C2orf42: variants seen among roughly 807,000 people sequenced by gnomAD.
C2orf42 encodes the protein uncharacterized protein C2orf42.
C2orf42 carries 44 observed loss-of-function variants against 58.9 expected under a neutral mutation model. That is an observed-to-expected ratio of 0.75 (90% CI 0.59 to 0.96). C2orf42 has a LOEUF of 0.96. Ranked by LOEUF, C2orf42 falls within the 40% of genes least tolerant of loss-of-function variation. The pLI is 0.00. For synonymous variants in C2orf42, 239 were observed against 265.4 expected, an observed-to-expected ratio of 0.90 and a Z score of 0.97; for missense variants, 630 against 699.2, an observed-to-expected ratio of 0.90 and a Z score of 1.12.
At chr2:70,187,094 A>C (rs941875469) in intron 1 of C2orf42, among the ~76,000 whole-genome samples, 2 of 152,080 alleles carry the variant, frequency 1.3e-5, no homozygotes, top group African/African-American at 4.8e-5. Context: ...CCTAAAACTT[A>C]AAGTATAATA....
At chr2:70,157,982 C>A (rs1341693000) in intron 9 of C2orf42, among the ~76,000 whole-genome samples, 2 of 152,162 alleles carry the variant, frequency 1.3e-5, no homozygotes, top group Non-Finnish European at 2.9e-5. Context: ...GGGCGGATCA[C>A]CAGACGTCCA....
At chr2:70,187,230 C>T (rs548104838) in intron 1 of C2orf42, among the ~76,000 whole-genome samples, 107 of 150,918 alleles carry the variant, frequency 7.1e-4, no homozygotes, top group Non-Finnish European at 1.2e-3. Flanking sequence ...TGGAGTTCCA[C>T]TCTTTTATCT....
chr2:70,165,548 C>T lies in C2orf42; in HGVS notation c.1232G>A (p.Arg411Gln), dbSNP rs763624267. 2.5e-5 allele frequency: 40 copies of T among 1,601,554 alleles called. No homozygotes were observed. The highest frequency in any genetic ancestry group is 1.1e-4 in the African/African-American group (8 of 74,646). The change falls in exon 7 of 10, where the codon CGG becomes CAG. Residue 411 changes from arginine (R) to glutamine (Q), a missense_variant. Coordinates refer to ENST00000264434, the MANE Select transcript of C2orf42 (RefSeq NM_017880.3). ...TGTACCTGTGGTGGAGTTGGGGAGCCGTTTTTTTGCACTTCCTATAGATAT... is the reference window on the plus strand; with the variant it reads ...TGTACCTGTGGTGGAGTTGGGGAGCTGTTTTTTTGCACTTCCTATAGATAT... ...QRISIGSAKK[R>Q]LPNSTTAFVR...
intron 8 of C2orf42, among the ~76,000 whole-genome samples, chr2:70,162,320 T>G (rs763764813): frequency 4.3e-5 from 6 of 139,422 alleles, no homozygotes; most frequent in Non-Finnish European, 9.0e-5. Context: ...TCTTTTGCTT[T>G]CTTTCTTTCT....
Position 70,165,652 on chromosome 2 carries a change from G to C in C2orf42, c.1145-17C>G, listed in dbSNP as rs181152241. ...CTGGTTTGCCTATGGGAAACAAGAAGAAACAACTCATTTAAAGAAACTCAG... is the reference window on the plus strand; with the variant it reads ...CTGGTTTGCCTATGGGAAACAAGAACAAACAACTCATTTAAAGAAACTCAG... On this transcript the variant is annotated splice_polypyrimidine_tract_variant and intron_variant, in intron 6 of 9. Coordinates refer to ENST00000264434, the MANE Select transcript of C2orf42 (RefSeq NM_017880.3). The C allele has an allele frequency of 7.2e-7, 1 of 1,384,072 alleles. No individual in the cohort carries two copies. The highest frequency in any genetic ancestry group is 1.7e-5 in the Admixed American group (1 of 58,616). 85.7% of individuals were successfully genotyped at this position (1,384,072 alleles called of 1,614,324 possible).
At position 70,160,687 on chromosome 2, in the gene C2orf42, T is replaced by C. The variant is rs368402264; in HGVS notation, c.1454A>G (p.Tyr485Cys). The C allele has an allele frequency of 6.2e-7, 1 of 1,613,320 alleles. No individual in the cohort carries two copies. Among genetic ancestry groups the C allele is most frequent in the African/African-American group, 1.3e-5 (1 of 74,864 alleles). The change falls in exon 9 of 10, where the codon TAC becomes TGC. Residue 485 changes from tyrosine to cysteine, a missense_variant. Physicochemically the swap from Tyr to Cys is radical, Grantham distance 194 (BLOSUM62 -2). Coordinates refer to ENST00000264434, the MANE Select transcript of C2orf42 (RefSeq NM_017880.3). ...KVEVESIAET[Y>C]GRIEKQPVLR... ...CACTGGTTGTTTTTCTATACGACCGTAGGTTTCTGCTATGCTTTCTACTTC... is the reference window on the plus strand; with the variant it reads ...CACTGGTTGTTTTTCTATACGACCGCAGGTTTCTGCTATGCTTTCTACTTC...
intron 1 of C2orf42, among the ~76,000 whole-genome samples, chr2:70,187,612 T>C (rs1432322640): frequency 6.6e-6 from 1 of 152,220 alleles, no homozygotes; most frequent in South Asian, 2.1e-4. Context: ...TTTAACATTA[T>C]AAATCCATAT....
At chr2:70,159,848 T>A (rs1672944208) in intron 9 of C2orf42, among the ~76,000 whole-genome samples, 2 of 152,098 alleles carry the variant, frequency 1.3e-5, no homozygotes, top group Non-Finnish European at 2.9e-5. Flanking sequence ...CATTTACTAT[T>A]ATCACTACTG....
chr2:70,176,719 C>T (rs973478414), intron 4 of C2orf42, among the ~76,000 whole-genome samples: 1 of 152,012 alleles, frequency 6.6e-6, no homozygotes, highest in East Asian at 1.9e-4. Flanking sequence ...GCCTTGAGCT[C>T]CCGGGCTCAA....
chr2:70,189,507 G>A (rs1675185471), intron 1 of C2orf42, among the ~76,000 whole-genome samples: 1 of 147,428 alleles, frequency 6.8e-6, no homozygotes, highest in Non-Finnish European at 1.5e-5. Context: ...CACAAGGTCA[G>A]GAGATCGAGA....
intron 4 of C2orf42, among the ~76,000 whole-genome samples, chr2:70,178,639 G>T (rs968091213): frequency 1.3e-5 from 2 of 149,738 alleles, no homozygotes; most frequent in African/African-American, 4.9e-5. Context: ...AAGGCTGGGT[G>T]CAGCGGCTCA....
At chr2:70,174,646 C>A (rs936138032) in intron 5 of C2orf42, among the ~76,000 whole-genome samples, 6 of 151,994 alleles carry the variant, frequency 3.9e-5, no homozygotes, top group Admixed American at 3.9e-4. Context: ...TCTTTTATTG[C>A]TGCTGTTACA....
At chr2:70,159,042 C>T (rs986446727) in intron 9 of C2orf42, among the ~76,000 whole-genome samples, 8 of 150,004 alleles carry the variant, frequency 5.3e-5, no homozygotes, top group East Asian at 4.0e-4. Context: ...CTCCCGCCAC[C>T]GCGCCCAGCT....
chr2:70,189,692 TG>T (rs1190675888), intron 1 of C2orf42, among the ~76,000 whole-genome samples: 1 of 131,494 alleles, frequency 7.6e-6, no homozygotes, highest in Non-Finnish European at 1.6e-5. Context: ...CACTCCAGCC[TG>T]GGCGACAGCG....
At chr2:70,163,228 T>A (rs1572985314) in intron 8 of C2orf42, among the ~76,000 whole-genome samples, 2 of 151,428 alleles carry the variant, frequency 1.3e-5, no homozygotes, top group East Asian at 2.0e-4. Context: ...ATTTTCAGGA[T>A]CTACTTGAAA....
At chr2:70,161,641 G>A (rs1020515611) in intron 8 of C2orf42, among the ~76,000 whole-genome samples, 2 of 152,040 alleles carry the variant, frequency 1.3e-5, no homozygotes, top group African/African-American at 4.8e-5. Flanking sequence ...GGGAGTTTGA[G>A]ACCAGCCTGA....
At chr2:70,177,633 G>A (rs1375794231) in intron 4 of C2orf42, among the ~76,000 whole-genome samples, 1 of 152,056 alleles carries the variant, frequency 6.6e-6, no homozygotes, top group African/African-American at 2.4e-5. Context: ...CCATTTTAAG[G>A]ATCTTAACAG....
intron 1 of C2orf42, among the ~76,000 whole-genome samples, chr2:70,186,596 T>G (rs1380090045): frequency 6.6e-6 from 1 of 152,196 alleles, no homozygotes; most frequent in Non-Finnish European, 1.5e-5. Context: ...GACCATCCCA[T>G]TACTGGGTAT....
chr2:70,150,001 GTTGGT>G lies in C2orf42; in HGVS notation c.*350_*354del. The G allele has an allele frequency of 3.3e-6, 1 of 303,050 alleles. No homozygotes were observed. The highest frequency in any genetic ancestry group is 3.3e-5 in the South Asian group (1 of 30,390). 18.8% of individuals were successfully genotyped at this position (303,050 alleles called of 1,614,324 possible). A position where few individuals can be genotyped will look rare whatever the true frequency, so the allele number is the denominator to read the frequency against. ...ACCAGGGTGTTAACTTTCCAACACT[GTTGGT>G]GTATGGCTGAGTGCTGCAGATTTCT... is the stretch of plus-strand genomic sequence containing the variant. On this transcript the variant is annotated 3_prime_UTR_variant, in exon 10 of 10. Transcript: ENST00000264434.
Sources: gnomAD v4.1 joint callset for allele counts (sites outside exome capture counted in the v4.1 genomes callset) on GRCh38, gnomAD v4.1.1 for gene constraint, MANE v1.5 for transcripts, NCBI Gene and HGNC (gene_info 2026-07-23, HGNC 2026-07-21) for gene names.